The following GDF10 variants were observed in gnomAD, a reference collection of about 807,000 sequenced individuals.
GDF10 encodes growth/differentiation factor 10.
A neutral mutation model predicts 32.1 loss-of-function variants in GDF10; 23 were observed. That is an observed-to-expected ratio of 0.72 (90% CI 0.52 to 1.02). The LOEUF (loss-of-function observed/expected upper bound fraction) is 1.02, where lower values mean the gene tolerates loss of function less well. Ranked by LOEUF, GDF10 falls within the 50% of genes least tolerant of loss-of-function variation. The probability of loss-of-function intolerance (pLI) is 0.00; values close to 1 mark genes in which losing one functional copy is unlikely to be tolerated. For synonymous variants in GDF10, 328 were observed against 303.1 expected, an observed-to-expected ratio of 1.08 and a Z score of -0.85; for missense variants, 764 against 673.9, an observed-to-expected ratio of 1.13 and a Z score of -1.48.
In GDF10 at chr10:47,312,685, G is replaced by T; in HGVS notation, c.1330G>T (p.Val444Phe). The change falls in exon 3 of 3, where the codon GTT (valine) becomes TTT (phenylalanine). Residue 444 changes from valine (V) to phenylalanine (F), a missense_variant. Physicochemically the swap from Val to Phe is conservative, Grantham distance 50 (BLOSUM62 -1). Coordinates refer to ENST00000580279, the MANE Select transcript of GDF10 (RefSeq NM_004962.5). ...CCCTGGCATCCCAGAGCCCTGCTGT[G>T]TTCCCGATAAGATGAACTCCCTTGG... ...IIPGIPEPCC[V>F]PDKMNSLGVL... 1 of 1,610,952 alleles carries T rather than the reference G, an allele frequency of 6.2e-7. No homozygotes were observed. The highest frequency in any genetic ancestry group is 1.3e-5 in the African/African-American group (1 of 74,998).
chr10:47,300,848 C>T lies in GDF10; in HGVS notation c.197C>T (p.Thr66Met). Residue 66 changes from threonine (T) to methionine (M), a missense_variant, in exon 1 of 3, where the codon ACG (threonine) becomes ATG (methionine). Thr to Met is a moderately conservative substitution (Grantham distance 81, BLOSUM62 -1). Transcript: ENST00000580279. ...CGGCACCCTGGGGACGCGGCCGCCA[C>T]GTTGGGCCCCAGCGCCCAGGACATG... ...LQRHPGDAAA[T>M]LGPSAQDMVA... The T allele has an allele frequency of 5.1e-6, 8 of 1,582,692 alleles. No individual in the cohort carries two copies. Among genetic ancestry groups the T allele is most frequent in the Non-Finnish European group, 6.8e-6 (8 of 1,172,020 alleles).
Position 47,300,984 on chromosome 10 carries a change from G to T in GDF10, c.319+14G>T. ...GGGCCAGGCTGGGTAAGTAGAGGGT[G>T]CCCCAGGACCCCTTCTCCTCATTCT... On this transcript the variant is annotated intron_variant, in intron 1 of 2. Coordinates refer to ENST00000580279, the MANE Select transcript of GDF10 (RefSeq NM_004962.5). The T allele has an allele frequency of 6.9e-7, 1 of 1,440,532 alleles. No homozygotes were observed. Among genetic ancestry groups the T allele is most frequent in the Non-Finnish European group, 9.1e-7 (1 of 1,097,114 alleles). The allele number at this position is 1,440,532 out of a possible 1,614,324, so 89.2% of individuals were successfully genotyped here.
At chr10:47,310,821 T>G in intron 2 of GDF10, 100 bp downstream of exon 2, 1 of 795,912 alleles carries the variant, frequency 1.3e-6, no homozygotes, top group Non-Finnish European at 2.1e-6. Context: ...ATCTGCAAAA[T>G]GGGAATAACA....
In GDF10 at chr10:47,312,865, T is replaced by C. The variant is rs560647849; in HGVS notation, c.*73T>C. Reference sequence around the variant, plus strand: ...CGGAGCCTTCTGCAACCAGGACTTGTGGTGCAGCTGCAGACACAGAGCACA... The same window carrying C: ...CGGAGCCTTCTGCAACCAGGACTTGCGGTGCAGCTGCAGACACAGAGCACA... On this transcript the variant is annotated 3_prime_UTR_variant, in exon 3 of 3. Transcript: ENST00000580279. The C allele has an allele frequency of 7.1e-6, 7 of 985,868 alleles. No homozygotes were observed. Among genetic ancestry groups the C allele is most frequent in the Non-Finnish European group, 1.0e-5 (7 of 670,696 alleles). The allele number at this position is 985,868 out of a possible 1,614,324, so 61.1% of individuals were successfully genotyped here.
At chr10:47,305,424 G>A (rs542077628) in intron 1 of GDF10, among the ~76,000 whole-genome samples, 24 of 152,344 alleles carry the variant, frequency 1.6e-4, no homozygotes, top group South Asian at 6.2e-4. Context: ...GCCAGCAGGC[G>A]TTGAACCTCA....
chr10:47,307,623 G>A (rs986815467), intron 1 of GDF10, among the ~76,000 whole-genome samples: 3 of 152,208 alleles, frequency 2.0e-5, no homozygotes, highest in Non-Finnish European at 4.4e-5. Flanking sequence ...TGCCCAGTGA[G>A]GGCTGAGCTC....
chr10:47,301,406 G>A (rs535843481), intron 1 of GDF10, among the ~76,000 whole-genome samples: 4 of 152,356 alleles, frequency 2.6e-5, no homozygotes, highest in Middle Eastern at 3.4e-3. Context: ...CCTAGCTGGC[G>A]TCAGCTATGG....
Position 47,300,648 on chromosome 10 carries a change from C to T in GDF10, c.-4C>T, listed in dbSNP as rs2132218187. 1.3e-6 allele frequency: 2 copies of T among 1,591,270 alleles called. No homozygotes were observed. The highest frequency in any genetic ancestry group is 1.7e-5 in the Admixed American group (1 of 57,496). ...CTTCGGCCCTTTGCCGCCCTCACCA[C>T]GCCATGGCTCATGTCCCCGCTCGGA... On this transcript the variant is annotated 5_prime_UTR_variant, in exon 1 of 3. It adds an upstream start codon to the 5' untranslated region. Transcript: ENST00000580279.
In GDF10 at chr10:47,300,899, A is replaced by G. The variant is rs781994341; in HGVS notation, c.248A>G (p.Tyr83Cys). The G allele has an allele frequency of 3.8e-6, 6 of 1,579,770 alleles. No homozygotes were observed. The highest frequency in any genetic ancestry group is 5.1e-6 in the Non-Finnish European group (6 of 1,171,006). The change falls in exon 1 of 3, where the codon TAT (tyrosine) becomes TGT (cysteine). Residue 83 changes from tyrosine (Y) to cysteine (C), a missense_variant. Transcript: ENST00000580279. Reference sequence around the variant, plus strand: ...GTCGCTGTCCACATGCACAGGCTCTATGAGAAGTACAGCCGGCAGGGCGCG... The same window carrying G: ...GTCGCTGTCCACATGCACAGGCTCTGTGAGAAGTACAGCCGGCAGGGCGCG... Reference protein sequence around the residue: ...DMVAVHMHRLYEKYSRQGARP... With the variant: ...DMVAVHMHRLCEKYSRQGARP...
intron 1 of GDF10, among the ~76,000 whole-genome samples, chr10:47,303,679 C>T (rs1438250208): frequency 2.0e-5 from 3 of 152,124 alleles, no homozygotes; most frequent in African/African-American, 7.2e-5. Context: ...GTGGGGAAAG[C>T]CTATGAACCT....
At position 47,313,171 on chromosome 10, in the gene GDF10, A is replaced by G. The variant is rs2061053261; in HGVS notation, c.*379A>G. 6.1e-6 allele frequency: 1 copy of G among 162,740 alleles called. No homozygotes were observed. The highest frequency in any genetic ancestry group is 1.3e-5 in the Non-Finnish European group (1 of 75,526). The allele number at this position is 162,740 out of a possible 1,614,324, so 10.1% of individuals were successfully genotyped here. A position where few individuals can be genotyped will look rare whatever the true frequency, so the allele number is the denominator to read the frequency against. On this transcript the variant is annotated 3_prime_UTR_variant, in exon 3 of 3. Transcript: ENST00000580279. ...GCGCTCGCTCCCTGCACACGGAAAG[A>G]ACTCTGTTTAAATGCTCAGTTCAGA... is the stretch of plus-strand genomic sequence containing the variant.
Position 47,300,887 on chromosome 10 carries a change from T to A in GDF10, c.236T>A (p.Met79Lys). 1.9e-6 allele frequency: 3 copies of A among 1,588,218 alleles called. No homozygotes were observed. In the South Asian group the frequency reaches 3.4e-5, roughly 18 times the overall value. Residue 79 changes from methionine (M) to lysine (K), a missense_variant, in exon 1 of 3, where the codon ATG (methionine) becomes AAG (lysine). Coordinates refer to ENST00000580279, the MANE Select transcript of GDF10 (RefSeq NM_004962.5). ...PSAQDMVAVHMHRLYEKYSRQ... is the reference protein window; with the variant it reads ...PSAQDMVAVHKHRLYEKYSRQ... ...GCCCAGGACATGGTCGCTGTCCACA[T>A]GCACAGGCTCTATGAGAAGTACAGC...
Sources: gnomAD v4.1 joint callset for allele counts (sites outside exome capture counted in the v4.1 genomes callset) on GRCh38, gnomAD v4.1.1 for gene constraint, MANE v1.5 for transcripts, NCBI Gene and HGNC (gene_info 2026-07-23, HGNC 2026-07-21) for gene names.